The following LINGO3 variants were observed in gnomAD, a reference collection of about 807,000 sequenced individuals.
LINGO3 encodes the protein leucine-rich repeat and immunoglobulin-like domain-containing nogo receptor-interacting protein 3.
For synonymous variants in LINGO3, 427 were observed against 444.2 expected, an observed-to-expected ratio of 0.96 and a Z score of 0.49; for missense variants, 750 against 867.7, an observed-to-expected ratio of 0.86 and a Z score of 1.70.
chr19:2,288,757 C>G (rs758699753), downstream of LINGO3, among the ~76,000 whole-genome samples: 1 of 152,142 alleles, frequency 6.6e-6, no homozygotes, highest in Non-Finnish European at 1.5e-5. The surrounding 1 kb of genome is among the most constrained non-coding windows in gnomAD (Gnocchi z 6.5). Context: ...GCCCAGGCCC[C>G]GAGGTCGGCT....
exon 1 of LINGO3, chr19:2,289,989 G>C (rs2025502054): frequency 1.3e-6 from 2 of 1,518,594 alleles, no homozygotes; most frequent in Non-Finnish European, 1.8e-6. Flanking sequence ...GGTCCGCCCT[G>C]GGGACCCCTC....
chr19:2,288,963 G>A (rs2025489682), downstream of LINGO3, among the ~76,000 whole-genome samples: 1 of 112,290 alleles, frequency 8.9e-6, no homozygotes, highest in Non-Finnish European at 1.6e-5. The surrounding 1 kb of genome is among the most constrained non-coding windows in gnomAD (Gnocchi z 6.5). Context: ...AGCTGGGTGT[G>A]AGGGTGTGTG....
exon 1 of LINGO3, chr19:2,291,391 G>A (rs200202839): frequency 1.1e-5 from 18 of 1,613,450 alleles, no homozygotes; most frequent in South Asian, 2.2e-5. Context: ...GTCCAGCAGC[G>A]TGAGGTTGTC....
chr19:2,306,653 CAT>C, the LINGO3 span, among the ~76,000 whole-genome samples: 24 of 152,136 alleles, frequency 1.6e-4, no homozygotes, highest in African/African-American at 5.3e-4. Context: ...CATTTAATCC[CAT>C]GTGGGGTGGA....
At chr19:2,296,900 A>T (rs187822917), upstream of LINGO3, among the ~76,000 whole-genome samples, 5 of 150,696 alleles carry the variant, frequency 3.3e-5, no homozygotes, top group Non-Finnish European at 7.4e-5. Flanking sequence ...CATCCTGGCT[A>T]ACATGGTGAA....
At chr19:2,291,728 C>A in exon 1 of LINGO3, 1 of 1,346,242 alleles carries the variant, frequency 7.4e-7, no homozygotes, top group Non-Finnish European at 9.5e-7. Context: ...GGCGGCGCCG[C>A]GGGCAGCAGG....
At chr19:2,297,304 C>CTT in the LINGO3 span, among the ~76,000 whole-genome samples, 6 of 116,810 alleles carry the variant, frequency 5.1e-5, no homozygotes, top group Non-Finnish European at 8.6e-5. Flanking sequence ...CCCTCCCCCC[C>CTT]TTTTTTTTTT....
the LINGO3 span, among the ~76,000 whole-genome samples, chr19:2,300,221 G>A: frequency 4.2e-4 from 63 of 151,438 alleles, no homozygotes; most frequent in South Asian, 7.1e-3. Flanking sequence ...TAGTAGAGAC[G>A]GGGTTTCACC....
the LINGO3 span, among the ~76,000 whole-genome samples, chr19:2,300,092 C>T: frequency 4.0e-4 from 54 of 134,454 alleles, no homozygotes; most frequent in Non-Finnish European, 1.1e-4. Context: ...AGTGCAATGG[C>T]GCGATCTCTG....
the LINGO3 span, among the ~76,000 whole-genome samples, chr19:2,307,286 G>A: frequency 6.6e-6 from 1 of 152,224 alleles, no homozygotes; most frequent in Non-Finnish European, 1.5e-5. Context: ...GAACTGGGGG[G>A]GCCGGGACAC....
At chr19:2,289,565 C>T (rs1013200871), downstream of LINGO3, among the ~76,000 whole-genome samples, 3 of 152,018 alleles carry the variant, frequency 2.0e-5, no homozygotes, top group African/African-American at 7.3e-5. Context: ...TGTCCACCGT[C>T]TCCCCGATGC....
upstream of LINGO3, among the ~76,000 whole-genome samples, chr19:2,294,029 G>C (rs1470407613): frequency 6.6e-6 from 1 of 152,078 alleles, no homozygotes; most frequent in East Asian, 1.9e-4. The surrounding 1 kb of genome is among the most constrained non-coding windows in gnomAD (Gnocchi z 4.3). Context: ...TAGCCACTGG[G>C]CAACAGAGTG....
At position 2,290,085 on chromosome 19, in the gene LINGO3, C is replaced by A; in HGVS notation, c.1692G>T (p.Ser564=). 1 of 1,587,706 alleles carries A rather than the reference C, an allele frequency of 6.3e-7. No homozygotes were observed. The highest frequency in any genetic ancestry group is 1.1e-5 in the South Asian group (1 of 87,642). ...CCACCTTGCGGAAGGAGTACTCCAC[C>A]GAGAAGTTGTTTTTGTGCTGCCCGC... is the stretch of plus-strand genomic sequence containing the variant. Residue 564 remains serine (S), a synonymous_variant, in exon 1 of 1, where the codon TCG becomes TCT. Transcript: ENST00000585527. This position sits in a 1 kb window ranked among gnomAD's most constrained non-coding sequence, Gnocchi z 6.0.
chr19:2,295,134 C>T (rs191610080), upstream of LINGO3, among the ~76,000 whole-genome samples: 8 of 152,140 alleles, frequency 5.3e-5, no homozygotes, highest in African/African-American at 1.4e-4. Context: ...ATGAATTGTA[C>T]GTAAGTGAGG....
chr19:2,292,921 C>T (rs2025540027), upstream of LINGO3, among the ~76,000 whole-genome samples: 1 of 152,220 alleles, frequency 6.6e-6, no homozygotes, highest in Admixed American at 6.5e-5. Flanking sequence ...GATGGGTCAG[C>T]ACCGTGCAGC....
chr19:2,294,947 C>A (rs961487511), upstream of LINGO3, among the ~76,000 whole-genome samples: 6 of 152,230 alleles, frequency 3.9e-5, no homozygotes, highest in Middle Eastern at 3.4e-3. This position sits in a 1 kb window ranked among gnomAD's most constrained non-coding sequence, Gnocchi z 4.3. Flanking sequence ...CCCCCCTCGG[C>A]ATCCCCCCAG....
chr19:2,296,963 G>C (rs1033732903), upstream of LINGO3, among the ~76,000 whole-genome samples: 1 of 151,598 alleles, frequency 6.6e-6, no homozygotes, highest in African/African-American at 2.4e-5. Flanking sequence ...GTGGTGGCGG[G>C]CGCCCGTAGT....
At chr19:2,298,152 G>A in the LINGO3 span, among the ~76,000 whole-genome samples, 27 of 152,200 alleles carry the variant, frequency 1.8e-4, 1 homozygote, top group African/African-American at 6.3e-4. Context: ...GCCTCCTAAA[G>A]TGCTGAGATT....
At chr19:2,303,466 G>T in the LINGO3 span, among the ~76,000 whole-genome samples, 7 of 152,050 alleles carry the variant, frequency 4.6e-5, no homozygotes, top group Admixed American at 3.3e-4. Context: ...ACAGCTAAGC[G>T]AGGGGCGAGG....
Sources: allele counts gnomAD v4.1 joint callset (sites outside exome capture counted in the v4.1 genomes callset), GRCh38; gene constraint gnomAD v4.1.1; non-coding constraint Gnocchi (gnomAD v3.1); transcripts MANE v1.5; gene names NCBI Gene and HGNC (gene_info 2026-07-23, HGNC 2026-07-21).